Variants in SDK1 observed in about 807,000 individuals in gnomAD.
SDK1 encodes the protein protein sidekick-1.
Under a neutral mutation model 245.5 loss-of-function variants are expected in SDK1, and 157 were observed. That is an observed-to-expected ratio of 0.64 (90% CI 0.56 to 0.73). The LOEUF (loss-of-function observed/expected upper bound fraction) is 0.73, where lower values mean the gene tolerates loss of function less well. Ranked by LOEUF, SDK1 falls within the 30% of genes least tolerant of loss-of-function variation. The pLI is 0.00. For missense variants in SDK1, 3,583 were observed against 3,002.3 expected, an observed-to-expected ratio of 1.19 and a Z score of -4.52; for synonymous variants, 1,647 against 1,278.5, an observed-to-expected ratio of 1.29 and a Z score of -6.15.
chr7:3,875,259 G>A (rs529261938), intron 5 of SDK1, among the ~76,000 whole-genome samples: 68 of 152,274 alleles, frequency 4.5e-4, no homozygotes, highest in African/African-American at 1.5e-3. Context: ...AAAGTCATTA[G>A]TCTGCACTTC....
chr7:3,571,314 T>C (rs1323780339), intron 1 of SDK1, among the ~76,000 whole-genome samples: 1 of 152,042 alleles, frequency 6.6e-6, no homozygotes, highest in Non-Finnish European at 1.5e-5. Flanking sequence ...TTTTTAATTT[T>C]TTTTTGAGAT....
chr7:3,467,449 A>G (rs1583901701), intron 1 of SDK1, among the ~76,000 whole-genome samples: 1 of 152,086 alleles, frequency 6.6e-6, no homozygotes, highest in Non-Finnish European at 1.5e-5. Context: ...AAAATATACA[A>G]AAAGTAAAAA....
Position 3,907,201 on chromosome 7 carries a change from C to G in SDK1, c.848-43722C>G, listed in dbSNP as rs541555529. On this transcript the variant is annotated intron_variant, in intron 5 of 44. Transcript: ENST00000404826. ...GCAACTTAGTAGCATTAATTACATG[C>G]ACATTGTTGTGTAAACATCCTGCAT... Among the ~76,000 whole-genome samples, 7 of 152,216 alleles carry G rather than the reference C, an allele frequency of 4.6e-5. No homozygotes were observed. The East Asian group carries it at 1.4e-3, about 29-fold the overall frequency.
chr7:3,518,731 A>G (rs1782831155), intron 1 of SDK1, among the ~76,000 whole-genome samples: 1 of 152,090 alleles, frequency 6.6e-6, no homozygotes, highest in Admixed American at 6.6e-5. Flanking sequence ...CTATGCAGGA[A>G]AGTAAACTAG....
At chr7:3,851,081 A>G (rs547630675) in intron 5 of SDK1, among the ~76,000 whole-genome samples, 3 of 152,314 alleles carry the variant, frequency 2.0e-5, no homozygotes, top group East Asian at 3.9e-4. Flanking sequence ...TGGTGCAACT[A>G]AATAAACCCC....
At chr7:3,673,217 C>T (rs541946565) in intron 4 of SDK1, among the ~76,000 whole-genome samples, 1 of 152,268 alleles carries the variant, frequency 6.6e-6, no homozygotes, top group African/African-American at 2.4e-5. Context: ...ATATTGACTA[C>T]ACTTGATAGA....
rs1188090043 is a variant in SDK1 at position 4,056,829 on chromosome 7, CCCGGGTCCCGACAGACCATTCTGCT to C, written c.2911+5021_2911+5045del. On this transcript the variant is annotated intron_variant, in intron 19 of 44. Coordinates refer to ENST00000404826, the MANE Select transcript of SDK1 (RefSeq NM_152744.4). ...CGTGGGTCCCACCAGACCATTCCGC[CCCGGGTCCCGACAGACCATTCTGCT>C]CCGGGTCCCGACAGACCATTCCGCC... Among the ~76,000 whole-genome samples, 33 of 151,802 alleles carry C rather than the reference CCCGGGTCCCGACAGACCATTCTGCT, an allele frequency of 2.2e-4. 1 individual carries two copies. The highest frequency in any genetic ancestry group is 5.9e-4 in the Admixed American group (9 of 15,284).
rs1038721238 is a variant in SDK1 at position 3,703,970 on chromosome 7, T to C, written c.713+61865T>C. ...CTTTTGGTTACATGGATGAATTGTA[T>C]GGTGGTGAAGTCTGAGATTTTAGTG... is the stretch of plus-strand genomic sequence containing the variant. On this transcript the variant is annotated intron_variant, in intron 4 of 44. Transcript: ENST00000404826. 2.0e-5 allele frequency among the ~76,000 whole-genome samples: 3 copies of C among 152,224 alleles called. No homozygotes were observed. In the South Asian group the frequency reaches 6.2e-4, roughly 31 times the overall value.
chr7:3,750,345 C>G (rs1779738992), intron 4 of SDK1, among the ~76,000 whole-genome samples: 1 of 152,198 alleles, frequency 6.6e-6, no homozygotes, highest in African/African-American at 2.4e-5. Context: ...CTATCCTGTG[C>G]TCAATCCACA....
chr7:3,744,273 C>T (rs945342324), intron 4 of SDK1, among the ~76,000 whole-genome samples: 7 of 152,048 alleles, frequency 4.6e-5, no homozygotes, highest in African/African-American at 9.7e-5. Context: ...GAACCCCTTA[C>T]GATACTTTGA....
intron 22 of SDK1, among the ~76,000 whole-genome samples, chr7:4,087,366 T>A (rs1169618945): frequency 6.6e-6 from 1 of 152,216 alleles, no homozygotes; most frequent in Non-Finnish European, 1.5e-5. Flanking sequence ...ATTAGCCTGG[T>A]TATTCATGCA....
intron 40 of SDK1, among the ~76,000 whole-genome samples, chr7:4,228,374 G>T (rs1019633478): frequency 2.6e-5 from 4 of 152,232 alleles, no homozygotes; most frequent in African/African-American, 9.7e-5. Flanking sequence ...GCCCTCCACA[G>T]ACATGAAGTG....
At chr7:3,618,837 G>C (rs1044001223) in intron 1 of SDK1, among the ~76,000 whole-genome samples, 5 of 152,158 alleles carry the variant, frequency 3.3e-5, no homozygotes, top group African/African-American at 1.2e-4. Flanking sequence ...GAAATAACTT[G>C]GATGAACCTG....
chr7:3,678,816 A>C (rs894292194), intron 4 of SDK1, among the ~76,000 whole-genome samples: 1 of 152,240 alleles, frequency 6.6e-6, no homozygotes, highest in Non-Finnish European at 1.5e-5. Flanking sequence ...TTAAAAAGCA[A>C]TTCAGGGGAG....
chr7:3,571,783 T>A (rs1780124721), intron 1 of SDK1, among the ~76,000 whole-genome samples: 1 of 152,106 alleles, frequency 6.6e-6, no homozygotes, highest in Admixed American at 6.5e-5. Flanking sequence ...TTAACTTGGA[T>A]GGAGCAGTTC....
At chr7:3,860,644 T>G (rs1452163672) in intron 5 of SDK1, among the ~76,000 whole-genome samples, 1 of 152,216 alleles carries the variant, frequency 6.6e-6, no homozygotes, top group African/African-American at 2.4e-5. Flanking sequence ...TGAGTCCTTT[T>G]AAATTATCAG....
chr7:4,191,958 C>T (rs1783233112), intron 35 of SDK1, among the ~76,000 whole-genome samples: 1 of 152,220 alleles, frequency 6.6e-6, no homozygotes, highest in Admixed American at 6.5e-5. Flanking sequence ...CAGTTTCCGA[C>T]CCCACCCCCA....
Position 3,589,996 on chromosome 7 carries a change from T to C in SDK1, c.299-29084T>C, listed in dbSNP as rs112226006. On this transcript the variant is annotated intron_variant, in intron 1 of 44. Coordinates refer to ENST00000404826, the MANE Select transcript of SDK1 (RefSeq NM_152744.4). ...TGAGTCATGTGCTTCCTGAGCTCTT[T>C]ACAGGGTGCTAGGCCAGGATATACG... Among the ~76,000 whole-genome samples the C allele has an allele frequency of 8.0e-3, 1,221 of 152,342 alleles. 8 individuals are homozygous for C. The highest frequency in any genetic ancestry group is 0.017 in the Middle Eastern group (5 of 294).
chr7:3,865,282 G>A (rs114800730), intron 5 of SDK1, among the ~76,000 whole-genome samples: 1 of 152,184 alleles, frequency 6.6e-6, no homozygotes, highest in Admixed American at 6.5e-5. Context: ...AGTGAGAATG[G>A]GTTGGCCTAA....
Sources: gnomAD v4.1 joint callset for allele counts (sites outside exome capture counted in the v4.1 genomes callset) on GRCh38, gnomAD v4.1.1 for gene constraint, MANE v1.5 for transcripts, NCBI Gene and HGNC (gene_info 2026-07-23, HGNC 2026-07-21) for gene names.